The following ATRNL1 variants were observed in gnomAD, a reference collection of about 807,000 sequenced individuals.
The protein encoded by ATRNL1 is attractin like 1.
ATRNL1 carries 95 observed loss-of-function variants against 182.7 expected under a neutral mutation model. That is an observed-to-expected ratio of 0.52 (90% CI 0.44 to 0.62). ATRNL1 has a LOEUF of 0.62. Among genes scored for constraint, ATRNL1 ranks in the 20% least tolerant of loss-of-function variants. ATRNL1 has a pLI of 0.00. For missense variants in ATRNL1, 1,471 were observed against 1,679.5 expected (o/e 0.88, Z 2.17); for synonymous variants, 576 against 568.3 (o/e 1.01, Z -0.19).
chr10:115,585,239 GAGA>G (rs1565188742), intron 26 of ATRNL1, among the ~76,000 whole-genome samples: 3 of 76,898 alleles, frequency 3.9e-5, no homozygotes, highest in East Asian at 4.9e-4. Context: ...ATTTGGGGTG[GAGA>G]GTTCTGTAGA....
chr10:115,133,523 T>C lies in ATRNL1; in HGVS notation c.829+3988T>C, dbSNP rs1277063644. 2.6e-5 allele frequency among the ~76,000 whole-genome samples: 4 copies of C among 152,184 alleles called. No individual in the cohort carries two copies. The South Asian group carries it at 6.2e-4, about 24-fold the overall frequency. On this transcript the variant is annotated intron_variant, in intron 5 of 28. Transcript: ENST00000355044. Reference sequence around the variant, plus strand: ...CTATCCTAAATATATATGCACCCAATACAGGAGCACCCAGATTCATAAAGC... The same window carrying C: ...CTATCCTAAATATATATGCACCCAACACAGGAGCACCCAGATTCATAAAGC...
chr10:115,328,162 T>C (rs1041222055), intron 18 of ATRNL1, among the ~76,000 whole-genome samples: 2 of 152,008 alleles, frequency 1.3e-5, no homozygotes, highest in South Asian at 4.1e-4. Flanking sequence ...TTAAAGTTTT[T>C]AATAACATTA....
intron 25 of ATRNL1, among the ~76,000 whole-genome samples, chr10:115,531,141 C>G (rs1554988135): frequency 6.7e-6 from 1 of 149,596 alleles, no homozygotes; most frequent in Non-Finnish European, 1.5e-5. Flanking sequence ...GGGTATATAC[C>G]CAGTAATGGG....
chr10:115,096,762 A>T, intron 1 of ATRNL1: 1 of 1,271,288 alleles, frequency 7.9e-7, no homozygotes, highest in Non-Finnish European at 1.0e-6. Context: ...CAGTTCTCTT[A>T]GCATTGATTC....
chr10:115,581,673 A>C (rs1271747863), intron 26 of ATRNL1, among the ~76,000 whole-genome samples: 3 of 152,134 alleles, frequency 2.0e-5, no homozygotes, highest in African/African-American at 7.2e-5. Context: ...CAGGAGAGAG[A>C]TTGATCCAAG....
intron 28 of ATRNL1, among the ~76,000 whole-genome samples, chr10:115,882,735 G>A (rs372649420): frequency 2.0e-5 from 3 of 152,156 alleles, no homozygotes; most frequent in South Asian, 2.1e-4. Context: ...TCTCTTCCCC[G>A]CAGAGCTCTT....
At chr10:115,400,901 C>T (rs1844533265) in intron 20 of ATRNL1, among the ~76,000 whole-genome samples, 1 of 151,852 alleles carries the variant, frequency 6.6e-6, no homozygotes, top group Admixed American at 6.6e-5. Flanking sequence ...TTCGGTTTGC[C>T]TTTCTATGTC....
chr10:115,528,793 G>A (rs782699527), intron 25 of ATRNL1, among the ~76,000 whole-genome samples: 2 of 151,920 alleles, frequency 1.3e-5, no homozygotes. Context: ...GCTTTACAGT[G>A]TTCCATGAGT....
At chr10:115,902,319 G>C (rs1555113691) in intron 28 of ATRNL1, among the ~76,000 whole-genome samples, 1 of 152,034 alleles carries the variant, frequency 6.6e-6, no homozygotes, top group East Asian at 1.9e-4. Context: ...TTGGTTCCTA[G>C]CTAGTGTCCA....
intron 7 of ATRNL1, 26 bp from the exon 8 acceptor site, chr10:115,171,011 A>G (rs1554885374): frequency 1.5e-6 from 2 of 1,326,578 alleles, no homozygotes; most frequent in East Asian, 2.6e-5. Flanking sequence ...TATTTTATCT[A>G]TTAATATATG....
intron 21 of ATRNL1, among the ~76,000 whole-genome samples, chr10:115,427,070 T>A (rs1016831174): frequency 7.9e-5 from 12 of 152,160 alleles, no homozygotes; most frequent in African/African-American, 2.9e-4. Flanking sequence ...CCCCAAATGG[T>A]TGTACCATTT....
At chr10:115,214,470 T>C (rs1171786574) in intron 8 of ATRNL1, among the ~76,000 whole-genome samples, 1 of 152,092 alleles carries the variant, frequency 6.6e-6, no homozygotes, top group Non-Finnish European at 1.5e-5. Flanking sequence ...TAAGTACCAG[T>C]GGCTTGGATG....
intron 26 of ATRNL1, among the ~76,000 whole-genome samples, chr10:115,601,620 T>C (rs1565204454): frequency 1.3e-5 from 2 of 152,212 alleles, no homozygotes; most frequent in Admixed American, 1.3e-4. Flanking sequence ...ATTATGAATA[T>C]CCCTTTTTAT....
chr10:115,761,890 C>A (rs995058985), intron 27 of ATRNL1, among the ~76,000 whole-genome samples: 1 of 152,084 alleles, frequency 6.6e-6, no homozygotes, highest in African/African-American at 2.4e-5. Flanking sequence ...AAAACAAAGT[C>A]GGGGCTCAAC....
In ATRNL1 at chr10:115,647,739, G is replaced by T. The variant is rs186215343; in HGVS notation, c.3796-79509G>T. On this transcript the variant is annotated intron_variant, in intron 26 of 28. Coordinates refer to ENST00000355044, the MANE Select transcript of ATRNL1 (RefSeq NM_207303.4). Reference sequence around the variant, plus strand: ...GAGTAGATTGTAAAAATTTTCTCCCGTTCTGTAGGTTGCCTGTTCACTCTG... The same window carrying T: ...GAGTAGATTGTAAAAATTTTCTCCCTTTCTGTAGGTTGCCTGTTCACTCTG... Among the ~76,000 whole-genome samples the T allele has an allele frequency of 1.0e-3, 155 of 151,978 alleles. 1 individual carries two copies. The highest frequency in any genetic ancestry group is 3.4e-3 in the Middle Eastern group (1 of 294).
At chr10:115,097,905 C>T (rs1445651444) in intron 1 of ATRNL1, among the ~76,000 whole-genome samples, 1 of 152,300 alleles carries the variant, frequency 6.6e-6, no homozygotes, top group East Asian at 1.9e-4. Context: ...GCCTGGGCAA[C>T]AGAGCGAGAC....
chr10:115,821,108 C>T (rs1187514640), intron 27 of ATRNL1, among the ~76,000 whole-genome samples: 1 of 152,104 alleles, frequency 6.6e-6, no homozygotes, highest in Non-Finnish European at 1.5e-5. Context: ...GCCTCCCTCA[C>T]CATGTAGAAC....
chr10:115,947,516 A>G lies in ATRNL1; in HGVS notation c.*2737A>G, dbSNP rs1953901906. 6.6e-6 allele frequency: 1 copy of G among 152,668 alleles called. No individual in the cohort carries two copies. Among genetic ancestry groups the G allele is most frequent in the Non-Finnish European group, 1.5e-5 (1 of 68,046 alleles). The allele number at this position is 152,668 out of a possible 1,614,324, so 9.5% of individuals were successfully genotyped here. A position where few individuals can be genotyped will look rare whatever the true frequency, so the allele number is the denominator to read the frequency against. ...ATTCCTATTGGAAAAGAATTTGCAC[A>G]TACTTACAGATTCAGCTAATAAATT... On this transcript the variant is annotated 3_prime_UTR_variant, in exon 29 of 29. Coordinates refer to ENST00000355044, the MANE Select transcript of ATRNL1 (RefSeq NM_207303.4).
chr10:115,936,616 T>A (rs1953567104), intron 28 of ATRNL1, among the ~76,000 whole-genome samples: 1 of 152,210 alleles, frequency 6.6e-6, no homozygotes, highest in South Asian at 2.1e-4. Flanking sequence ...TTCACATACA[T>A]AACCTCACTT....
Sources: allele counts gnomAD v4.1 joint callset (sites outside exome capture counted in the v4.1 genomes callset), GRCh38; gene constraint gnomAD v4.1.1; transcripts MANE v1.5; gene names NCBI Gene and HGNC (gene_info 2026-07-23, HGNC 2026-07-21).